The following TRAPPC9 variants were observed in gnomAD, a reference collection of about 807,000 sequenced individuals.
TRAPPC9 encodes the protein trafficking protein particle complex subunit 9, also known as IKK2 binding protein.
Under a neutral mutation model 124.0 loss-of-function variants are expected in TRAPPC9, and 83 were observed. The observed-to-expected ratio is 0.67, with a 90% CI of 0.56 to 0.80. The LOEUF is 0.80. Ranked by LOEUF, TRAPPC9 falls within the 30% of genes least tolerant of loss-of-function variation. The pLI is 0.00. For missense variants in TRAPPC9, 1,302 were observed against 1,508.3 expected, an observed-to-expected ratio of 0.86 and a Z score of 2.27; for synonymous variants, 638 against 617.5, an observed-to-expected ratio of 1.03 and a Z score of -0.49.
intron 21 of TRAPPC9, among the ~76,000 whole-genome samples, chr8:139,828,043 C>T (rs1487713170): frequency 6.6e-6 from 1 of 152,202 alleles, no homozygotes; most frequent in African/African-American, 2.4e-5. Flanking sequence ...GATCCAAACA[C>T]CTCCCACCAG....
intron 21 of TRAPPC9, among the ~76,000 whole-genome samples, chr8:139,784,299 C>T (rs73362165): frequency 0.011 from 1,635 of 152,202 alleles, 27 homozygotes; most frequent in African/African-American, 0.037. Flanking sequence ...ATAGGCCCAG[C>T]GCAGTGGCTC....
Position 140,109,262 on chromosome 8 carries a change from T to C in TRAPPC9, c.2557-85183A>G, listed in dbSNP as rs539152489. The stretch of plus-strand genomic sequence containing the variant: ...CAAGTGATTCCAGGACATTCTGAGA[T>C]GGGGAGGGGGCACTAATAATAATTA... On this transcript the variant is annotated intron_variant, in intron 17 of 22. Coordinates refer to ENST00000438773, the MANE Select transcript of TRAPPC9 (RefSeq NM_001160372.4). Among the ~76,000 whole-genome samples, 318 of 152,034 alleles carry C rather than the reference T, an allele frequency of 2.1e-3. 2 individuals are homozygous for C. Among genetic ancestry groups the C allele is most frequent in the Non-Finnish European group, 2.1e-3 (140 of 67,946 alleles).
rs1837129500 is a variant in TRAPPC9, at chr8:139,984,654, C to G, written c.2810+4072G>C. The stretch of plus-strand genomic sequence containing the variant: ...GCCATTTCCACTTCCTCCACCTGCA[C>G]TGCTCTGCACAACCCCTCCACGGAG... On this transcript the variant is annotated intron_variant, in intron 19 of 22. Transcript: ENST00000438773. This position sits in a 1 kb window ranked among gnomAD's most constrained non-coding sequence, Gnocchi z 4.3. Among the ~76,000 whole-genome samples, 1 of 152,190 alleles carries G rather than the reference C, an allele frequency of 6.6e-6. No individual in the cohort carries two copies. Among genetic ancestry groups the G allele is most frequent in the South Asian group, 2.1e-4 (1 of 4,830 alleles).
chr8:140,304,680 C>A lies in TRAPPC9; in HGVS notation c.1623-4066G>T, dbSNP rs538133627. ...AGAGCATTAACAACACGAGCCCGCTCCCCTCAGTCAGCATCGGCAGACACC... is the reference window on the plus strand; with the variant it reads ...AGAGCATTAACAACACGAGCCCGCTACCCTCAGTCAGCATCGGCAGACACC... On this transcript the variant is annotated intron_variant, in intron 10 of 22. Transcript: ENST00000438773. Among the ~76,000 whole-genome samples, 5 of 152,348 alleles carry A rather than the reference C, an allele frequency of 3.3e-5. No homozygotes were observed. In the East Asian group the frequency reaches 9.6e-4, roughly 29 times the overall value.
intron 16 of TRAPPC9, among the ~76,000 whole-genome samples, chr8:140,242,689 T>A (rs2063887722): frequency 6.6e-6 from 1 of 152,190 alleles, no homozygotes; most frequent in African/African-American, 2.4e-5. Flanking sequence ...GCCTGTGAAA[T>A]CATTTAGGAA....
chr8:140,079,575 G>A (rs1843698494), intron 17 of TRAPPC9, among the ~76,000 whole-genome samples: 1 of 152,124 alleles, frequency 6.6e-6, no homozygotes, highest in South Asian at 2.1e-4. Context: ...CTGGACTATT[G>A]TTCTCCCCAC....
chr8:139,785,208 C>G (rs1482367370), intron 21 of TRAPPC9, among the ~76,000 whole-genome samples: 1 of 152,184 alleles, frequency 6.6e-6, no homozygotes, highest in African/African-American at 2.4e-5. Flanking sequence ...GAGGCTGGAA[C>G]AACTGAATAC....
At chr8:139,851,900 G>C (rs1236289933) in intron 21 of TRAPPC9, among the ~76,000 whole-genome samples, 2 of 152,182 alleles carry the variant, frequency 1.3e-5, no homozygotes, top group Non-Finnish European at 2.9e-5. Context: ...TTGGTGAACG[G>C]ACTGGCTGTG....
intron 21 of TRAPPC9, among the ~76,000 whole-genome samples, chr8:139,843,025 A>C (rs1826844758): frequency 6.6e-6 from 1 of 152,210 alleles, no homozygotes; most frequent in Non-Finnish European, 1.5e-5. Flanking sequence ...GCCCAGCCCC[A>C]GGCCTGGTGG....
intron 21 of TRAPPC9, among the ~76,000 whole-genome samples, chr8:139,734,043 G>A (rs1818002585): frequency 6.6e-6 from 1 of 152,244 alleles, no homozygotes; most frequent in Non-Finnish European, 1.5e-5. Context: ...GACCCCTGAA[G>A]AGGATGGGGG....
At chr8:139,996,165 A>AAAAAAAAAAAAAAAAAAAAAAAGG in intron 18 of TRAPPC9, among the ~76,000 whole-genome samples, 1 of 139,462 alleles carries the variant, frequency 7.2e-6, no homozygotes, top group Non-Finnish European at 1.6e-5. Context: ...AAGCAAAAAA[A>AAAAAAAAAAAAAAAAAAAAAAAGG]AAAAAAAAAA....
At chr8:140,114,522 A>G (rs2060842718) in intron 17 of TRAPPC9, among the ~76,000 whole-genome samples, 1 of 152,246 alleles carries the variant, frequency 6.6e-6, no homozygotes, top group Non-Finnish European at 1.5e-5. Flanking sequence ...ACATTAATGT[A>G]GCCATCCTTG....
chr8:139,731,621 C>T (rs570627847), intron 22 of TRAPPC9, among the ~76,000 whole-genome samples: 1 of 152,060 alleles, frequency 6.6e-6, no homozygotes, highest in Non-Finnish European at 1.5e-5. Context: ...AGGGCTGGAG[C>T]CTTTCCGTGG....
At chr8:139,792,830 G>A (rs1364678340) in intron 21 of TRAPPC9, among the ~76,000 whole-genome samples, 14 of 152,184 alleles carry the variant, frequency 9.2e-5, no homozygotes, top group African/African-American at 2.4e-4. Context: ...CATCCTACTC[G>A]TGCAGGGACG....
In TRAPPC9 at chr8:139,960,948, A is replaced by G. The variant is rs1021949389; in HGVS notation, c.2810+27778T>C. ...CCCTAACGTTTTAGGATTTCCCTTC[A>G]GGGTCCACGTGTCCCCAATACCAAG... On this transcript the variant is annotated intron_variant, in intron 19 of 22. Transcript: ENST00000438773. Among the ~76,000 whole-genome samples the G allele has an allele frequency of 4.9e-3, 610 of 125,502 alleles. 80 individuals carry two copies. Among genetic ancestry groups the G allele is most frequent in the African/African-American group, 0.014 (560 of 39,616 alleles). The allele number at this position is 125,502 out of a possible 152,430, so 82.3% of individuals were successfully genotyped here.
At chr8:139,766,603 C>T (rs149320927) in intron 21 of TRAPPC9, among the ~76,000 whole-genome samples, 7 of 152,358 alleles carry the variant, frequency 4.6e-5, no homozygotes, top group East Asian at 3.9e-4. Context: ...AGTGCACACG[C>T]GGCCCCAGGT....
chr8:140,383,468 A>G (rs974841232), intron 7 of TRAPPC9, among the ~76,000 whole-genome samples: 5 of 152,236 alleles, frequency 3.3e-5, no homozygotes, highest in Non-Finnish European at 5.9e-5. Context: ...AAGTCCTTAA[A>G]TGACCTGATG....
chr8:140,218,776 A>G (rs1450298942), intron 17 of TRAPPC9, among the ~76,000 whole-genome samples: 1 of 152,068 alleles, frequency 6.6e-6, no homozygotes, highest in Non-Finnish European at 1.5e-5. Flanking sequence ...CCTGGTCAAC[A>G]TGGTGAAACC....
chr8:140,070,870 C>G (rs968794165), intron 17 of TRAPPC9, among the ~76,000 whole-genome samples: 1 of 152,184 alleles, frequency 6.6e-6, no homozygotes, highest in Non-Finnish European at 1.5e-5. Flanking sequence ...AGCCCCTCCA[C>G]GTCTCTTACC....
Sources: gnomAD v4.1 joint callset for allele counts (sites outside exome capture counted in the v4.1 genomes callset) on GRCh38, gnomAD v4.1.1 for gene constraint, Gnocchi (gnomAD v3.1) non-coding constraint, MANE v1.5 for transcripts, NCBI Gene and HGNC (gene_info 2026-07-23, HGNC 2026-07-21) for gene names.